The following SLC12A2 variants were observed in gnomAD, a reference collection of about 807,000 sequenced individuals.
SLC12A2 encodes the protein Na-K-2Cl cotransporter 1.
SLC12A2 carries 67 observed loss-of-function variants against 136.3 expected under a neutral mutation model. The ratio of observed to expected loss-of-function variants is 0.49; its 90% confidence interval spans 0.40 to 0.60. SLC12A2 has a LOEUF of 0.60. SLC12A2 is among the 20% of genes least tolerant of loss of function. The pLI, the probability that SLC12A2 is intolerant of heterozygous loss-of-function variation, is 0.00. For missense variants in SLC12A2, 1,322 were observed against 1,534.7 expected, an observed-to-expected ratio of 0.86 and a Z score of 2.32; for synonymous variants, 619 against 562.9, an observed-to-expected ratio of 1.10 and a Z score of -1.41.
At position 128,104,878 on chromosome 5, in the gene SLC12A2, C is replaced by G. The variant is rs928732046; in HGVS notation, c.757-7936C>G. Among the ~76,000 whole-genome samples the G allele has an allele frequency of 3.9e-5, 6 of 152,164 alleles. No homozygotes were observed. In the South Asian group the frequency reaches 8.3e-4, roughly 21 times the overall value. On this transcript the variant is annotated intron_variant, in intron 1 of 26. Transcript: ENST00000262461. ...TCCTCTGGAGCTATACAGTGCAGAA[C>G]TTCTGCTGTCGTTTTTATGAGGACC...
chr5:128,143,863 A>G (rs1581107746), intron 10 of SLC12A2, among the ~76,000 whole-genome samples: 3 of 150,472 alleles, frequency 2.0e-5, no homozygotes, highest in African/African-American at 7.3e-5. Context: ...ATTTTTAACT[A>G]AAATTTGTAA....
In SLC12A2 at chr5:128,167,984, C is replaced by T. The variant is rs185922015; in HGVS notation, c.2723+117C>T. On this transcript the variant is annotated intron_variant, in intron 18 of 26. Coordinates refer to ENST00000262461, the MANE Select transcript of SLC12A2 (RefSeq NM_001046.3). The stretch of plus-strand genomic sequence containing the variant: ...GTCTCTTGTAATGGAAATATAAGAA[C>T]GAAAAGAATCACACAAAGCATCTGG... The T allele has an allele frequency of 4.6e-4, 253 of 555,828 alleles. 1 individual carries two copies. Among genetic ancestry groups the T allele is most frequent in the Middle Eastern group, 3.8e-3 (8 of 2,080 alleles). 34.4% of individuals were successfully genotyped at this position (555,828 alleles called of 1,614,324 possible).
intron 1 of SLC12A2, chr5:128,109,981 A>G: frequency 3.0e-6 from 3 of 1,011,138 alleles, no homozygotes; most frequent in South Asian, 2.5e-5. Context: ...GATCTGGCAC[A>G]TTTCCCTACT....
chr5:128,184,020 G>C (rs1374662268), intron 24 of SLC12A2, among the ~76,000 whole-genome samples: 1 of 151,872 alleles, frequency 6.6e-6, no homozygotes, highest in Non-Finnish European at 1.5e-5. Context: ...TGCTGGTTTA[G>C]CATTCCTAAT....
intron 1 of SLC12A2, among the ~76,000 whole-genome samples, chr5:128,091,005 C>T (rs184914352): frequency 1.9e-4 from 29 of 151,990 alleles, no homozygotes; most frequent in Non-Finnish European, 3.5e-4. Context: ...CAAAATACCA[C>T]GCTGATTGTT....
intron 25 of SLC12A2, 79 bp downstream of exon 25, chr5:128,184,580 GA>G: frequency 3.0e-6 from 4 of 1,337,148 alleles, no homozygotes; most frequent in Non-Finnish European, 4.1e-6. Context: ...TTTGATATAG[GA>G]GGGTCAGTTG....
In SLC12A2 at chr5:128,177,147, A is replaced by T. The variant is rs1763564407; in HGVS notation, c.2972A>T (p.Lys991Ile). 1.3e-6 allele frequency: 2 copies of T among 1,594,322 alleles called. No individual in the cohort carries two copies. The highest frequency in any genetic ancestry group is 4.6e-5 in the East Asian group (2 of 43,600). ...AAGACTGCAACTCAACCACTGTTGA[A>T]AAAAGGCAGGCATTTTTCATCATTT... Reference protein sequence around the residue: ...DGKTATQPLLKKESKGPIVPL... With the variant: ...DGKTATQPLLIKESKGPIVPL... Residue 991 changes from lysine (K) to isoleucine (I), a missense_variant, in exon 21 of 27, where the codon AAA becomes ATA. Physicochemically the swap from Lys to Ile is moderately radical, Grantham distance 102. This residue lies in a region of SLC12A2 where 226 missense variants were observed against 210.4 expected (regional missense o/e 1.07). Transcript: ENST00000262461.
chr5:128,178,011 A>G (rs1239989829), intron 21 of SLC12A2, among the ~76,000 whole-genome samples: 1 of 152,160 alleles, frequency 6.6e-6, no homozygotes, highest in East Asian at 1.9e-4. Flanking sequence ...TTGGGGACAA[A>G]ACATAGGTAA....
chr5:128,182,321 G>GT (rs1763730514), intron 23 of SLC12A2, among the ~76,000 whole-genome samples: 1 of 152,058 alleles, frequency 6.6e-6, no homozygotes, highest in Non-Finnish European at 1.5e-5. Flanking sequence ...CTTCAGAAAG[G>GT]TATTTACTGG....
At chr5:128,118,268 A>C (rs1761428214) in intron 4 of SLC12A2, among the ~76,000 whole-genome samples, 1 of 152,230 alleles carries the variant, frequency 6.6e-6, no homozygotes, top group Non-Finnish European at 1.5e-5. Flanking sequence ...ACACTTGTGC[A>C]CACATGTTTA....
chr5:128,158,237 A>G (rs973416211), intron 16 of SLC12A2, 73 bp downstream of exon 16: 2 of 1,106,422 alleles, frequency 1.8e-6, no homozygotes, highest in African/African-American at 3.2e-5. Flanking sequence ...ATACATGTGC[A>G]GGTTTGTTAT....
chr5:128,148,921 A>G, intron 12 of SLC12A2, 44 bp downstream of exon 12: 3 of 1,482,620 alleles, frequency 2.0e-6, no homozygotes, highest in East Asian at 4.6e-5. Flanking sequence ...TTTGGTGCAT[A>G]TTAGTTCTAG....
intron 19 of SLC12A2, among the ~76,000 whole-genome samples, chr5:128,174,020 T>TA (rs1763463877): frequency 6.6e-6 from 1 of 152,146 alleles, no homozygotes; most frequent in African/African-American, 2.4e-5. Context: ...GGACAGTTGT[T>TA]ACATTTTACA....
intron 1 of SLC12A2, among the ~76,000 whole-genome samples, chr5:128,108,510 C>A (rs992384139): frequency 6.6e-6 from 1 of 152,038 alleles, no homozygotes; most frequent in African/African-American, 2.4e-5. Context: ...CATGAATGAA[C>A]CCTGAAAACA....
At position 128,152,734 on chromosome 5, in the gene SLC12A2, C is replaced by G. The variant is rs1762743424; in HGVS notation, c.2292C>G (p.Ala764=). The change falls in exon 15 of 27, where the codon GCC becomes GCG. Residue 764 remains alanine, a synonymous_variant. Coordinates refer to ENST00000262461, the MANE Select transcript of SLC12A2 (RefSeq NM_001046.3). ...PDVNWGSSTQ[A]LTYLNALQHS... is the part of the protein sequence containing the mutation. ...TGAATTGGGGATCCTCTACACAAGC[C>G]CTGACTTACCTGAATGCACTGCAGC... The G allele has an allele frequency of 1.2e-6, 2 of 1,613,234 alleles. No homozygotes were observed. The highest frequency in any genetic ancestry group is 1.1e-5 in the South Asian group (1 of 91,070).
chr5:128,117,727 A>G (rs1421742032), intron 4 of SLC12A2, among the ~76,000 whole-genome samples: 1 of 152,202 alleles, frequency 6.6e-6, no homozygotes, highest in African/African-American at 2.4e-5. Flanking sequence ...AATGGGACCT[A>G]ATTAAACTAA....
At chr5:128,179,299 G>A (rs995456562) in intron 22 of SLC12A2, among the ~76,000 whole-genome samples, 1 of 152,148 alleles carries the variant, frequency 6.6e-6, no homozygotes, top group Non-Finnish European at 1.5e-5. Context: ...TGTTGTGGTT[G>A]CCAAATGATG....
intron 1 of SLC12A2, chr5:128,111,008 A>C: frequency 1.4e-6 from 1 of 732,448 alleles, no homozygotes; most frequent in Non-Finnish European, 2.5e-6. Flanking sequence ...TATGCAAAAT[A>C]ACTTCTATTA....
chr5:128,093,057 C>T (rs1213923433), intron 1 of SLC12A2, among the ~76,000 whole-genome samples: 2 of 152,090 alleles, frequency 1.3e-5, no homozygotes, highest in Non-Finnish European at 2.9e-5. Context: ...TGTAGTGTGG[C>T]TTCTATTTTG....
Sources: allele counts gnomAD v4.1 joint callset (sites outside exome capture counted in the v4.1 genomes callset), GRCh38; gene constraint gnomAD v4.1.1; regional missense constraint gnomAD v4.1.1; transcripts MANE v1.5; gene names NCBI Gene and HGNC (gene_info 2026-07-23, HGNC 2026-07-21).